Variants in FHIT observed in about 807,000 individuals in gnomAD.
The protein encoded by FHIT is fragile histidine triad diadenosine triphosphatase.
In FHIT, 19 loss-of-function variants were observed where a neutral mutation model predicts 17.9. The ratio of observed to expected loss-of-function variants is 1.06; its 90% CI spans 0.74 to 1.56. The LOEUF (loss-of-function observed/expected upper bound fraction) is 1.56, where lower values mean the gene tolerates loss of function less well. Ranked by LOEUF, FHIT falls within the 40% of genes most tolerant of loss-of-function variation. The pLI is 0.00. For synonymous variants in FHIT, 81 were observed against 69.7 expected (o/e 1.16, Z -0.81); for missense variants, 248 against 189.2 (o/e 1.31, Z -1.82).
At chr3:59,975,319 G>C (rs963504517) in intron 7 of FHIT, among the ~76,000 whole-genome samples, 1 of 152,044 alleles carries the variant, frequency 6.6e-6, no homozygotes, top group African/African-American at 2.4e-5. Flanking sequence ...TCTTGGGCAA[G>C]TCTCTTAAAC....
intron 7 of FHIT, among the ~76,000 whole-genome samples, chr3:59,956,337 C>A (rs1167913548): frequency 6.6e-6 from 1 of 151,966 alleles, no homozygotes; most frequent in Non-Finnish European, 1.5e-5. Context: ...AGTTTGAGAC[C>A]AGTCTGGGCA....
chr3:61,062,036 T>C (rs530903660), intron 2 of FHIT, among the ~76,000 whole-genome samples: 1 of 152,172 alleles, frequency 6.6e-6, no homozygotes, highest in Non-Finnish European at 1.5e-5. Context: ...GTAATTTCAA[T>C]GTATAGACAT....
intron 3 of FHIT, among the ~76,000 whole-genome samples, chr3:60,885,523 T>C (rs942958150): frequency 2.0e-5 from 3 of 152,174 alleles, no homozygotes; most frequent in African/African-American, 7.2e-5. Context: ...AATCAGATCA[T>C]GTCATGCCTT....
chr3:60,729,133 C>T (rs2041976657), intron 4 of FHIT, among the ~76,000 whole-genome samples: 2 of 152,156 alleles, frequency 1.3e-5, no homozygotes, highest in African/African-American at 4.8e-5. Context: ...GGCCCGAAGG[C>T]CACGGATCAA....
At chr3:60,322,819 A>G (rs1471471229) in intron 5 of FHIT, among the ~76,000 whole-genome samples, 3 of 152,222 alleles carry the variant, frequency 2.0e-5, no homozygotes, top group Non-Finnish European at 2.9e-5. Context: ...CACATTACAA[A>G]GACAGAAACT....
chr3:59,771,389 A>ATTATTTT (rs1212924988), intron 8 of FHIT, among the ~76,000 whole-genome samples: 14 of 152,220 alleles, frequency 9.2e-5, no homozygotes, highest in African/African-American at 3.4e-4. Context: ...ATTTTTAAAA[A>ATTATTTT]AGACAATTCT....
intron 5 of FHIT, among the ~76,000 whole-genome samples, chr3:60,073,254 A>T (rs1576033718): frequency 6.6e-6 from 1 of 152,134 alleles, no homozygotes; most frequent in Admixed American, 6.6e-5. Context: ...CTCAAGATTC[A>T]AGAGTTTCCT....
At chr3:60,185,559 T>C (rs1702123203) in intron 5 of FHIT, among the ~76,000 whole-genome samples, 1 of 152,214 alleles carries the variant, frequency 6.6e-6, no homozygotes, top group Non-Finnish European at 1.5e-5. Context: ...TGGGGAATTA[T>C]GAATAAAGCT....
At chr3:60,561,938 AAG>A (rs994524843) in intron 4 of FHIT, among the ~76,000 whole-genome samples, 5 of 146,362 alleles carry the variant, frequency 3.4e-5, no homozygotes, top group East Asian at 2.3e-4. Context: ...GAAAAAGAGA[AAG>A]AGAGAAACAG....
chr3:60,394,063 G>A (rs1189464195), intron 5 of FHIT, among the ~76,000 whole-genome samples: 1 of 152,110 alleles, frequency 6.6e-6, no homozygotes, highest in East Asian at 1.9e-4. Context: ...ATAGGCTTAT[G>A]GTGTAAGCAA....
At chr3:59,912,492 C>A (rs1271163000) in intron 8 of FHIT, among the ~76,000 whole-genome samples, 1 of 152,060 alleles carries the variant, frequency 6.6e-6, no homozygotes, top group East Asian at 1.9e-4. Flanking sequence ...AATGTCCTTT[C>A]AATAACTCTG....
At chr3:59,836,281 G>A (rs143506845) in intron 8 of FHIT, among the ~76,000 whole-genome samples, 1 of 152,278 alleles carries the variant, frequency 6.6e-6, no homozygotes, top group Non-Finnish European at 1.5e-5. Context: ...CTGTTAGGCT[G>A]GGCATTCTTA....
chr3:60,519,227 A>G (rs183609210), intron 5 of FHIT, among the ~76,000 whole-genome samples: 2 of 152,340 alleles, frequency 1.3e-5, no homozygotes, highest in South Asian at 2.1e-4. Context: ...TTATGATTAG[A>G]AAAAATAAAT....
intron 5 of FHIT, among the ~76,000 whole-genome samples, chr3:60,390,396 T>TAAAAAAAAAAAAAAAAAAAAAAAA (rs869078939): frequency 1.6e-4 from 5 of 32,030 alleles, no homozygotes; most frequent in African/African-American, 6.1e-4. Context: ...GTAATGGAGC[T>TAAAAAAAAAAAAAAAAAAAAAAAA]AAAAAAAAAA....
At chr3:60,781,483 TA>T (rs59199604) in intron 4 of FHIT, among the ~76,000 whole-genome samples, 68,616 of 151,756 alleles carry the variant, frequency 0.45, 16,610 homozygotes, top group African/African-American at 0.57. Flanking sequence ...GTTAATATTT[TA>T]AAAAAAATAG....
chr3:60,268,455 T>G (rs192298298), intron 5 of FHIT, among the ~76,000 whole-genome samples: 1 of 152,204 alleles, frequency 6.6e-6, no homozygotes, highest in South Asian at 2.1e-4. Flanking sequence ...ACAGAACTAG[T>G]TGCAACCCTA....
intron 5 of FHIT, among the ~76,000 whole-genome samples, chr3:60,024,485 T>C (rs577668380): frequency 1.3e-5 from 2 of 152,308 alleles, no homozygotes; most frequent in African/African-American, 2.4e-5. Context: ...AAGAACTCTG[T>C]ATTTTTTTGT....
chr3:60,784,276 C>T lies in FHIT; in HGVS notation c.-18+37643G>A, dbSNP rs782481540. Among the ~76,000 whole-genome samples, 14 of 152,092 alleles carry T rather than the reference C, an allele frequency of 9.2e-5. 1 individual carries two copies. Among genetic ancestry groups the T allele is most frequent in the Non-Finnish European group, 1.9e-4 (13 of 68,016 alleles). On this transcript the variant is annotated intron_variant, in intron 4 of 9. Transcript: ENST00000492590. ...AGAGGCCCCGGACAGCTGTGTCCAT[C>T]CTCTGAAAATGAAGGCTGTTCTCAG...
chr3:59,975,048 G>A (rs1708349530), intron 7 of FHIT, among the ~76,000 whole-genome samples: 2 of 151,668 alleles, frequency 1.3e-5, no homozygotes, highest in Admixed American at 1.3e-4. Flanking sequence ...TTTTTTTGTG[G>A]GCCCTCATTC....
Sources: gnomAD v4.1 joint callset for allele counts (sites outside exome capture counted in the v4.1 genomes callset) on GRCh38, gnomAD v4.1.1 for gene constraint, MANE v1.5 for transcripts, NCBI Gene and HGNC (gene_info 2026-07-23, HGNC 2026-07-21) for gene names.